The following TMEM132B variants were observed in gnomAD, a reference collection of about 807,000 sequenced individuals.
TMEM132B encodes the protein transmembrane protein 132B.
TMEM132B carries 18 observed loss-of-function variants against 90.8 expected under a neutral mutation model. The observed-to-expected ratio is 0.20, with a 90% CI of 0.14 to 0.29. TMEM132B has a LOEUF of 0.29. Ranked by LOEUF, TMEM132B falls within the 10% of genes least tolerant of loss-of-function variation. The pLI is 1.00. For synonymous variants in TMEM132B, 504 were observed against 523.3 expected, an observed-to-expected ratio of 0.96 and a Z score of 0.50; for missense variants, 1,096 against 1,326.8, an observed-to-expected ratio of 0.83 and a Z score of 2.70.
At chr12:125,295,794 C>T (rs1875659090) in intron 1 of TMEM132B, among the ~76,000 whole-genome samples, 1 of 152,134 alleles carries the variant, frequency 6.6e-6, no homozygotes, top group African/African-American at 2.4e-5. Flanking sequence ...TTAGTTTTGC[C>T]TTCTGTGGAA....
chr12:125,425,969 C>G (rs555715013), intron 3 of TMEM132B, among the ~76,000 whole-genome samples: 1 of 152,120 alleles, frequency 6.6e-6, no homozygotes, highest in African/African-American at 2.4e-5. Flanking sequence ...TGCCAAGGAG[C>G]GCAATTGCTG....
At chr12:125,223,364 C>G (rs75380223) in intron 1 of TMEM132B, among the ~76,000 whole-genome samples, 3,709 of 152,254 alleles carry the variant, frequency 0.024, 160 homozygotes, top group African/African-American at 0.085. Context: ...ACAGTTTATT[C>G]TTGCTTTAGT....
intron 7 of TMEM132B, among the ~76,000 whole-genome samples, chr12:125,651,408 A>G (rs1240951127): frequency 1.3e-5 from 2 of 152,214 alleles, no homozygotes; most frequent in Non-Finnish European, 2.9e-5. Flanking sequence ...ATCCGTAGCT[A>G]TTCTTTATCA....
intron 1 of TMEM132B, among the ~76,000 whole-genome samples, chr12:125,214,395 C>A (rs772008008): frequency 6.6e-6 from 1 of 152,206 alleles, no homozygotes; most frequent in Non-Finnish European, 1.5e-5. Flanking sequence ...AGCAGCCCAG[C>A]AGGAAGAGAA....
At chr12:125,226,788 G>A (rs751924858) in intron 1 of TMEM132B, among the ~76,000 whole-genome samples, 61 of 152,174 alleles carry the variant, frequency 4.0e-4, no homozygotes, top group Non-Finnish European at 8.8e-5. Context: ...TTCAGCCAGT[G>A]CTATGCCGGC....
chr12:125,554,428 A>T (rs936541050), intron 4 of TMEM132B, among the ~76,000 whole-genome samples: 19 of 83,990 alleles, frequency 2.3e-4, no homozygotes, highest in African/African-American at 8.9e-4. Context: ...CCATTTCATT[A>T]AAAAAAAAAA....
rs1181050446 is a variant in TMEM132B, at chr12:125,458,595, G to A, written c.1106+42918G>A. Among the ~76,000 whole-genome samples, 1 of 152,150 alleles carries A rather than the reference G, an allele frequency of 6.6e-6. No homozygotes were observed. Among genetic ancestry groups the A allele is most frequent in the Non-Finnish European group, 1.5e-5 (1 of 68,014 alleles). ...GTTGAGAGCAGCCAGGTGGAGATCA[G>A]ATCACACATGGAGCTGGCTCAGGAC... On this transcript the variant is annotated intron_variant, in intron 3 of 8. Transcript: ENST00000682704. This position sits in a 1 kb window ranked among gnomAD's most constrained non-coding sequence, Gnocchi z 4.9.
intron 1 of TMEM132B, among the ~76,000 whole-genome samples, chr12:125,241,349 A>G (rs916651387): frequency 4.6e-5 from 7 of 152,296 alleles, no homozygotes; most frequent in African/African-American, 1.7e-4. Context: ...AGGCAAGATC[A>G]CAGGTCCTGC....
chr12:125,205,951 A>G (rs760867233), intron 1 of TMEM132B, among the ~76,000 whole-genome samples: 5 of 152,180 alleles, frequency 3.3e-5, no homozygotes, highest in Non-Finnish European at 7.3e-5. Flanking sequence ...AGGGTTAATC[A>G]TTAAGTCACC....
intron 1 of TMEM132B, among the ~76,000 whole-genome samples, chr12:125,229,976 G>A (rs986235801): frequency 2.6e-5 from 4 of 152,206 alleles, no homozygotes; most frequent in African/African-American, 7.2e-5. Context: ...AGAAAATGCC[G>A]GGGCAGGAGC....
intron 2 of TMEM132B, among the ~76,000 whole-genome samples, chr12:125,401,081 A>C (rs1879307573): frequency 6.6e-6 from 1 of 152,190 alleles, no homozygotes; most frequent in Admixed American, 6.5e-5. Flanking sequence ...TCTGGTCCAC[A>C]GGGTTCTGAT....
At chr12:125,280,266 A>T (rs1010972248) in intron 1 of TMEM132B, among the ~76,000 whole-genome samples, 1 of 152,248 alleles carries the variant, frequency 6.6e-6, no homozygotes, top group Non-Finnish European at 1.5e-5. Context: ...GTTTGAGATG[A>T]TGGATATGCC....
At chr12:125,391,397 A>G (rs1879015073) in intron 2 of TMEM132B, among the ~76,000 whole-genome samples, 1 of 152,172 alleles carries the variant, frequency 6.6e-6, no homozygotes. Flanking sequence ...CCAGCTTTCC[A>G]TAGCCTCTAC....
chr12:125,387,219 A>T (rs993057444), intron 2 of TMEM132B, among the ~76,000 whole-genome samples: 2 of 152,138 alleles, frequency 1.3e-5, no homozygotes, highest in Non-Finnish European at 2.9e-5. Context: ...TCTCTTCTGA[A>T]AAAAGGGGTA....
chr12:125,267,139 C>T (rs1159855373), intron 1 of TMEM132B, among the ~76,000 whole-genome samples: 1 of 152,228 alleles, frequency 6.6e-6, no homozygotes, highest in African/African-American at 2.4e-5. Flanking sequence ...ACCGTTTTTT[C>T]CCTTCTCGTT....
intron 2 of TMEM132B, among the ~76,000 whole-genome samples, chr12:125,373,538 G>A (rs1030060951): frequency 6.6e-6 from 1 of 152,124 alleles, no homozygotes; most frequent in African/African-American, 2.4e-5. Context: ...CTCCAGAACT[G>A]TGAGAAAGTA....
At chr12:125,311,299 G>A (rs1464874942) in intron 1 of TMEM132B, among the ~76,000 whole-genome samples, 1 of 152,196 alleles carries the variant, frequency 6.6e-6, no homozygotes, top group African/African-American at 2.4e-5. Context: ...AGGGGAGGCA[G>A]GCAACTGCTG....
chr12:125,560,033 C>G (rs1018892502), intron 4 of TMEM132B, among the ~76,000 whole-genome samples: 1 of 152,218 alleles, frequency 6.6e-6, no homozygotes. Flanking sequence ...AAGGAAGTCA[C>G]TACCAAGCCA....
At chr12:125,222,610 A>AATTTCT (rs1873586030) in intron 1 of TMEM132B, among the ~76,000 whole-genome samples, 1 of 152,198 alleles carries the variant, frequency 6.6e-6, no homozygotes, top group African/African-American at 2.4e-5. Context: ...ATGAACTGAC[A>AATTTCT]ATTTCTATTC....
Sources: allele counts gnomAD v4.1 joint callset (sites outside exome capture counted in the v4.1 genomes callset), GRCh38; gene constraint gnomAD v4.1.1; non-coding constraint Gnocchi (gnomAD v3.1); transcripts MANE v1.5; gene names NCBI Gene and HGNC (gene_info 2026-07-23, HGNC 2026-07-21).